DMD: variants seen among roughly 807,000 people sequenced by gnomAD.
DMD encodes the protein mutant dystrophin.
Under a neutral mutation model 330.1 loss-of-function variants are expected in DMD, and 63 were observed. The observed-to-expected ratio is 0.19, with a 90% confidence interval of 0.16 to 0.24. The LOEUF (loss-of-function observed/expected upper bound fraction) is 0.24, where lower values mean the gene tolerates loss of function less well. Among genes scored for constraint, DMD ranks in the 10% least tolerant of loss-of-function variants. The probability of loss-of-function intolerance (pLI) is 1.00; values close to 1 mark genes in which losing one functional copy is unlikely to be tolerated. For missense variants in DMD, 3,344 were observed against 2,684.1 expected (o/e 1.25, Z -5.43); for synonymous variants, 1,223 against 959.8 (o/e 1.27, Z -5.07).
At chrX:31,343,616 TGTGA>T (rs755619140) in intron 61 of DMD, among the ~76,000 whole-genome samples, 8,434 of 91,753 alleles carry the variant, frequency 0.092, 349 homozygotes, top group African/African-American at 0.15. Flanking sequence ...TGTGTGTGTG[TGTGA>T]GAGAGAGAGA....
intron 44 of DMD, among the ~76,000 whole-genome samples, chrX:32,169,792 A>AT (rs2096880875): frequency 9.0e-6 from 1 of 111,133 alleles, no homozygotes; most frequent in Admixed American, 9.6e-5. Context: ...GATGGGGGTC[A>AT]TTTTTTCTAA....
At chrX:31,639,397 T>A (rs1228501279) in intron 54 of DMD, among the ~76,000 whole-genome samples, 1 of 111,947 alleles carries the variant, frequency 8.9e-6, no homozygotes, top group Non-Finnish European at 1.9e-5. Context: ...GGAACGTAAC[T>A]CAATTTTACA....
intron 3 of DMD, among the ~76,000 whole-genome samples, 172 bp downstream of exon 3, chrX:32,849,556 C>T (rs747302199): frequency 8.1e-5 from 9 of 111,049 alleles, no homozygotes; most frequent in South Asian, 3.8e-4. Flanking sequence ...TTTCTGCAGG[C>T]GGTAGAGTAT....
intron 62 of DMD, among the ~76,000 whole-genome samples, chrX:31,314,742 C>CAGAGACAGAGAGAGAG (rs769013334): frequency 1.8e-5 from 1 of 55,283 alleles, no homozygotes; most frequent in African/African-American, 8.5e-5. Context: ...AATACATACA[C>CAGAGACAGAGAGAGAG]AGAGAGAGAG....
chrX:31,876,196 C>T (rs571175022), intron 47 of DMD, among the ~76,000 whole-genome samples: 5 of 112,441 alleles, frequency 4.4e-5, no homozygotes, highest in East Asian at 5.6e-4. Flanking sequence ...AACAATGCTA[C>T]GACATAGATA....
intron 1 of DMD, among the ~76,000 whole-genome samples, chrX:33,263,433 T>TAA (rs1224053908): frequency 0.015 from 1,600 of 105,176 alleles, 31 homozygotes; most frequent in African/African-American, 0.055. Flanking sequence ...GAGAGCTTTT[T>TAA]AAAAAATATA....
At chrX:32,404,657 G>C (rs905568088) in intron 30 of DMD, among the ~76,000 whole-genome samples, 1 of 111,161 alleles carries the variant, frequency 9.0e-6, no homozygotes, top group Non-Finnish European at 1.9e-5. Context: ...ACATATCAAA[G>C]ATTCAAAACT....
intron 7 of DMD, among the ~76,000 whole-genome samples, chrX:32,752,970 G>A (rs781121439): frequency 2.3e-4 from 26 of 110,752 alleles, no homozygotes; most frequent in Non-Finnish European, 4.3e-4. Context: ...CCTTTTTGCT[G>A]TATAAATTAC....
At chrX:31,619,856 T>C (rs1355947932) in intron 55 of DMD, among the ~76,000 whole-genome samples, 1 of 111,808 alleles carries the variant, frequency 8.9e-6, no homozygotes, top group Admixed American at 9.5e-5. Flanking sequence ...CATGGTAACA[T>C]GGTCCAAAAC....
intron 44 of DMD, among the ~76,000 whole-genome samples, chrX:32,123,246 T>C (rs1368484083): frequency 1.2e-5 from 1 of 83,887 alleles, no homozygotes; most frequent in African/African-American, 4.4e-5. Context: ...TATATATAAA[T>C]GATCAAAATT....
intron 3 of DMD, among the ~76,000 whole-genome samples, chrX:32,845,337 A>G (rs184990376): frequency 3.5e-4 from 39 of 111,917 alleles, no homozygotes; most frequent in African/African-American, 1.2e-3. Context: ...CTAAACCTCA[A>G]TCACTTTGGT....
chrX:31,315,669 T>C (rs1163987381), intron 62 of DMD, among the ~76,000 whole-genome samples: 1 of 112,601 alleles, frequency 8.9e-6, no homozygotes, highest in Non-Finnish European at 1.9e-5. Context: ...TGTATTATAA[T>C]ACAGGATTAT....
intron 12 of DMD, among the ~76,000 whole-genome samples, chrX:32,603,527 T>A (rs2149301796): frequency 9.1e-6 from 1 of 110,198 alleles, no homozygotes; most frequent in Non-Finnish European, 1.9e-5. Context: ...CAGAACTAAA[T>A]GAAACTGAGA....
At chrX:33,024,700 A>G (rs1184339413) in intron 1 of DMD, among the ~76,000 whole-genome samples, 1 of 111,726 alleles carries the variant, frequency 9.0e-6, no homozygotes, top group Non-Finnish European at 1.9e-5. Context: ...GATATATTAA[A>G]TTGCAATATT....
At chrX:31,220,565 A>G (rs1760362682) in intron 64 of DMD, among the ~76,000 whole-genome samples, 1 of 111,446 alleles carries the variant, frequency 9.0e-6, no homozygotes, top group Non-Finnish European at 1.9e-5. Context: ...TCCCTTCTGT[A>G]GGTTGCTTAT....
chrX:31,468,588 T>G (rs993643814), intron 59 of DMD, among the ~76,000 whole-genome samples: 1 of 111,763 alleles, frequency 8.9e-6, no homozygotes, highest in Non-Finnish European at 1.9e-5. Flanking sequence ...TCCAATTATG[T>G]GGTCAATTTT....
At chrX:32,430,190 A>T (rs1255979227) in intron 29 of DMD, among the ~76,000 whole-genome samples, 1 of 111,469 alleles carries the variant, frequency 9.0e-6, no homozygotes, top group Non-Finnish European at 1.9e-5. Context: ...CCTAAATTTA[A>T]TTGCTTTGTA....
intron 60 of DMD, among the ~76,000 whole-genome samples, chrX:31,371,468 T>TA (rs757415620): frequency 7.1e-4 from 79 of 111,700 alleles, no homozygotes; most frequent in Admixed American, 1.0e-3. Context: ...TATTTTTTAT[T>TA]AAAAAACAAC....
chrX:32,727,138 C>CA lies in DMD; in HGVS notation c.650-27846dup, dbSNP rs771326113. Among the ~76,000 whole-genome samples, 13 of 110,080 alleles carry CA rather than the reference C, an allele frequency of 1.2e-4. No homozygotes were observed. In the East Asian group the frequency reaches 1.7e-3, roughly 14 times the overall value. On this transcript the variant is annotated intron_variant, in intron 7 of 78. Transcript: ENST00000357033. ...ATCTTTAATAATTATAATAGACTAG[C>CA]AAAAAAAAGATCTGCTTCAGAAACA...
Sources: allele counts gnomAD v4.1 joint callset (sites outside exome capture counted in the v4.1 genomes callset), GRCh38; gene constraint gnomAD v4.1.1; transcripts MANE v1.5; gene names NCBI Gene and HGNC (gene_info 2026-07-23, HGNC 2026-07-21).